Variants in RUFY2 observed in about 807,000 individuals in gnomAD.
RUFY2 encodes the protein RUN and FYVE domain containing 2, also known as RUN and FYVE domain-containing protein 2.
RUFY2 carries 49 observed loss-of-function variants against 94.4 expected under a neutral mutation model. The ratio of observed to expected loss-of-function variants is 0.52; its 90% CI spans 0.41 to 0.66. The LOEUF is 0.66. RUFY2 is among the 30% of genes least tolerant of loss of function. RUFY2 has a pLI of 0.00. For synonymous variants in RUFY2, 255 were observed against 235.7 expected (o/e 1.08, Z -0.75); for missense variants, 541 against 692.8 (o/e 0.78, Z 2.46).
chr10:68,353,791 C>G (rs1299038568), intron 16 of RUFY2, among the ~76,000 whole-genome samples: 1 of 151,298 alleles, frequency 6.6e-6, no homozygotes, highest in Non-Finnish European at 1.5e-5. Flanking sequence ...ACAGCAAGAC[C>G]CCATCTCAAA....
intron 10 of RUFY2, 22 bp downstream of exon 10, chr10:68,383,776 T>A: frequency 6.8e-7 from 1 of 1,470,512 alleles, no homozygotes; most frequent in Non-Finnish European, 9.5e-7. Context: ...ATCTTGCTAA[T>A]GTAATTTTTA....
intron 7 of RUFY2, among the ~76,000 whole-genome samples, chr10:68,391,944 C>T (rs778524556): frequency 6.6e-6 from 1 of 151,382 alleles, no homozygotes; most frequent in South Asian, 2.1e-4. Flanking sequence ...CCAGCCTGGG[C>T]AACAGAGTGA....
intron 7 of RUFY2, among the ~76,000 whole-genome samples, chr10:68,388,655 T>C (rs2049719644): frequency 6.6e-6 from 1 of 151,608 alleles, no homozygotes; most frequent in South Asian, 2.1e-4. Flanking sequence ...GGCAACATGG[T>C]GAAACCCCAG....
chr10:68,350,159 A>G (rs1203430079), intron 16 of RUFY2, among the ~76,000 whole-genome samples: 1 of 151,970 alleles, frequency 6.6e-6, no homozygotes, highest in African/African-American at 2.4e-5. Flanking sequence ...ACAGGCGCAC[A>G]CCACCATGCC....
intron 2 of RUFY2, among the ~76,000 whole-genome samples, chr10:68,403,155 T>C (rs1469639031): frequency 1.3e-5 from 2 of 151,240 alleles, no homozygotes; most frequent in Non-Finnish European, 3.0e-5. Flanking sequence ...CACTTTTTTT[T>C]TTAAAGAAGG....
At chr10:68,376,784 T>C in intron 13 of RUFY2, 69 bp downstream of exon 13, 1 of 1,449,454 alleles carries the variant, frequency 6.9e-7, no homozygotes, top group Non-Finnish European at 9.6e-7. Context: ...TGGTATTCTA[T>C]CATTATGTGC....
downstream of RUFY2, chr10:68,342,206 G>T: frequency 1.8e-6 from 1 of 552,344 alleles, no homozygotes; most frequent in South Asian, 3.2e-5. Flanking sequence ...GATTGTGATG[G>T]GAAAATGTTT....
chr10:68,402,820 A>G (rs973674341), intron 2 of RUFY2, among the ~76,000 whole-genome samples: 3 of 149,908 alleles, frequency 2.0e-5, no homozygotes, highest in African/African-American at 7.3e-5. Flanking sequence ...ATGTAAATGG[A>G]AAGATCTCCA....
chr10:68,359,966 C>T (rs548994780), intron 15 of RUFY2, among the ~76,000 whole-genome samples: 1 of 152,232 alleles, frequency 6.6e-6, no homozygotes, highest in Admixed American at 6.5e-5. Flanking sequence ...GCTGGGACTA[C>T]AGGCACATGC....
In RUFY2 at chr10:68,384,155, A is replaced by C; in HGVS notation, c.721-3T>G. On this transcript the variant is annotated splice_polypyrimidine_tract_variant and splice_region_variant and intron_variant, in intron 8 of 17. Coordinates refer to ENST00000602465, the MANE Select transcript of RUFY2 (RefSeq NM_001330103.2). ...ATGTTATTCTTTGCTATTGCTAACT[A>C]AAAATTAAGAAACGGGCAAGAAAAA... 6.2e-7 allele frequency: 1 copy of C among 1,604,880 alleles called. No homozygotes were observed.
chr10:68,403,359 C>A (rs2051011631), intron 2 of RUFY2, among the ~76,000 whole-genome samples: 2 of 152,102 alleles, frequency 1.3e-5, no homozygotes, highest in Non-Finnish European at 2.9e-5. Context: ...TCAAACAATT[C>A]TCCTGCCTCA....
intron 15 of RUFY2, 139 bp from the exon 16 acceptor site, chr10:68,355,540 G>T: frequency 4.1e-6 from 2 of 492,920 alleles, no homozygotes; most frequent in South Asian, 3.3e-5. Context: ...TCTGGCTAGT[G>T]GAATATTTCA....
At chr10:68,348,154 C>A (rs2046410802) in intron 16 of RUFY2, among the ~76,000 whole-genome samples, 1 of 151,316 alleles carries the variant, frequency 6.6e-6, no homozygotes, top group South Asian at 2.1e-4. Flanking sequence ...AGACAAACAC[C>A]AGCAAAGAGT....
chr10:68,401,518 C>G (rs1431159462), intron 3 of RUFY2, 102 bp downstream of exon 3: 4 of 699,978 alleles, frequency 5.7e-6, no homozygotes, highest in Non-Finnish European at 1.0e-5. Context: ...AAGAAGGGGA[C>G]TTAAGACTAA....
intron 16 of RUFY2, among the ~76,000 whole-genome samples, chr10:68,352,704 G>A (rs1589775271): frequency 6.6e-6 from 1 of 152,202 alleles, no homozygotes; most frequent in East Asian, 1.9e-4. Context: ...GCCAAGGTGG[G>A]CAGATCACAA....
intron 7 of RUFY2, among the ~76,000 whole-genome samples, chr10:68,388,182 C>T (rs984439786): frequency 6.6e-6 from 1 of 151,978 alleles, no homozygotes; most frequent in Non-Finnish European, 1.5e-5. Context: ...TAGGCGAATT[C>T]AGGCCAGGCA....
chr10:68,383,762 G>A, intron 10 of RUFY2, 36 bp downstream of exon 10: 3 of 1,380,796 alleles, frequency 2.2e-6, no homozygotes, highest in South Asian at 2.3e-5. Flanking sequence ...TTACTCCCAG[G>A]ATGATCTTGC....
At chr10:68,356,439 G>A (rs1034690743) in intron 15 of RUFY2, among the ~76,000 whole-genome samples, 2 of 152,068 alleles carry the variant, frequency 1.3e-5, no homozygotes, top group African/African-American at 2.4e-5. Flanking sequence ...CCCGGAGGCA[G>A]AGGTTTCAGT....
chr10:68,392,796 T>C (rs1001236254), intron 7 of RUFY2, among the ~76,000 whole-genome samples: 2 of 150,026 alleles, frequency 1.3e-5, no homozygotes, highest in Non-Finnish European at 3.0e-5. Flanking sequence ...GGTGTGGTGG[T>C]GCGCGCCTAT....
Sources: allele counts gnomAD v4.1 joint callset (sites outside exome capture counted in the v4.1 genomes callset), GRCh38; gene constraint gnomAD v4.1.1; transcripts MANE v1.5; gene names NCBI Gene and HGNC (gene_info 2026-07-23, HGNC 2026-07-21).